Variants in PPM1L observed in about 807,000 individuals in gnomAD.
The protein encoded by PPM1L is protein phosphatase 1L.
In PPM1L, 13 loss-of-function variants were observed where a neutral mutation model predicts 31.4. The ratio of observed to expected loss-of-function variants is 0.41; its 90% confidence interval spans 0.27 to 0.66. The LOEUF is 0.66. Ranked by LOEUF, PPM1L falls within the 30% of genes least tolerant of loss-of-function variation. PPM1L has a pLI of 0.29. For synonymous variants in PPM1L, 184 were observed against 175.4 expected (o/e 1.05, Z -0.39); for missense variants, 326 against 453.7 (o/e 0.72, Z 2.56).
At chr3:160,829,707 T>C (rs1189887797) in intron 1 of PPM1L, among the ~76,000 whole-genome samples, 1 of 152,190 alleles carries the variant, frequency 6.6e-6, no homozygotes, top group Non-Finnish European at 1.5e-5. Flanking sequence ...GCCTGTCAGC[T>C]CTTCTTGTCA....
In PPM1L at chr3:161,035,717, G is replaced by C. The variant is rs926107691; in HGVS notation, c.575-29686G>C. On this transcript the variant is annotated intron_variant, in intron 2 of 3. Coordinates refer to ENST00000498165, the MANE Select transcript of PPM1L (RefSeq NM_139245.4). ...AATTCTTGCCAGGAACTTAACCAAAGTTAAAATAATTTTACAGGTTGCTCT... is the reference window on the plus strand; with the variant it reads ...AATTCTTGCCAGGAACTTAACCAAACTTAAAATAATTTTACAGGTTGCTCT... 3.3e-5 allele frequency: 5 copies of C among 152,226 alleles called. No individual in the cohort carries two copies. In the East Asian group the frequency reaches 7.7e-4, roughly 23 times the overall value. 9.4% of individuals were successfully genotyped at this position (152,226 alleles called of 1,614,324 possible). A position where few individuals can be genotyped will look rare whatever the true frequency, so the allele number is the denominator to read the frequency against.
chr3:161,014,325 A>G (rs1718002635), intron 2 of PPM1L, among the ~76,000 whole-genome samples: 1 of 152,186 alleles, frequency 6.6e-6, no homozygotes, highest in South Asian at 2.1e-4. Context: ...ATATTCAAAT[A>G]CAATATATCA....
intron 2 of PPM1L, among the ~76,000 whole-genome samples, chr3:161,005,315 C>T (rs373041490): frequency 3.4e-4 from 51 of 152,076 alleles, no homozygotes; most frequent in Admixed American, 3.3e-4. Context: ...GTTTTCAGCA[C>T]AGTACTAGTT....
intron 1 of PPM1L, among the ~76,000 whole-genome samples, chr3:160,885,740 C>T (rs1330979789): frequency 6.6e-6 from 1 of 152,244 alleles, no homozygotes; most frequent in African/African-American, 2.4e-5. Context: ...TCCCACTCAC[C>T]TACCCACGCC....
At chr3:161,056,896 T>C (rs1719428501) in intron 2 of PPM1L, among the ~76,000 whole-genome samples, 1 of 152,012 alleles carries the variant, frequency 6.6e-6, no homozygotes, top group African/African-American at 2.4e-5. Context: ...ACCCCGTCTC[T>C]ACTAAAAATA....
At chr3:160,798,510 GA>G (rs1412084906) in intron 1 of PPM1L, among the ~76,000 whole-genome samples, 1 of 152,104 alleles carries the variant, frequency 6.6e-6, no homozygotes, top group Non-Finnish European at 1.5e-5. Flanking sequence ...TTATGCTCTC[GA>G]AATGGAACAA....
At position 160,983,352 on chromosome 3, in the gene PPM1L, A is replaced by T. The variant is rs549613344; in HGVS notation, c.574+21442A>T. On this transcript the variant is annotated intron_variant, in intron 2 of 3. Coordinates refer to ENST00000498165, the MANE Select transcript of PPM1L (RefSeq NM_139245.4). ...CTTTGTAAACCTTCCCCTGCAGGAT[A>T]ATCAGCATTCCACAGCCACTAAAGA... 9.2e-5 allele frequency among the ~76,000 whole-genome samples: 14 copies of T among 152,238 alleles called. 1 individual carries two copies. In the South Asian group the frequency reaches 2.9e-3, roughly 32 times the overall value.
At chr3:160,880,153 TAGG>T (rs199870730) in intron 1 of PPM1L, among the ~76,000 whole-genome samples, 1,684 of 152,250 alleles carry the variant, frequency 0.011, 12 homozygotes, top group Middle Eastern at 0.017. Context: ...TTGGCAGCAG[TAGG>T]AGGAGAGGAA....
At chr3:160,969,106 C>T (rs531994540) in intron 2 of PPM1L, among the ~76,000 whole-genome samples, 81 of 152,302 alleles carry the variant, frequency 5.3e-4, no homozygotes, top group African/African-American at 1.8e-3. Flanking sequence ...AAGTGTCAGG[C>T]AGTCACATAC....
intron 1 of PPM1L, among the ~76,000 whole-genome samples, chr3:160,820,636 A>G (rs960892959): frequency 6.6e-6 from 1 of 152,040 alleles, no homozygotes; most frequent in African/African-American, 2.4e-5. Flanking sequence ...CATGTAAATG[A>G]TATTATACTG....
chr3:160,916,219 A>G (rs1433218675), intron 1 of PPM1L, among the ~76,000 whole-genome samples: 1 of 152,170 alleles, frequency 6.6e-6, no homozygotes, highest in Non-Finnish European at 1.5e-5. Context: ...ACAAGAAAAA[A>G]ACAAACAACC....
chr3:161,058,870 C>A (rs923904324), intron 2 of PPM1L, among the ~76,000 whole-genome samples: 2 of 152,110 alleles, frequency 1.3e-5, no homozygotes, highest in African/African-American at 4.8e-5. Flanking sequence ...AGTTACATAA[C>A]CCTCATTAGG....
chr3:161,076,757 G>T lies in PPM1L; in HGVS notation c.*7600G>T, dbSNP rs1336672166. Reference sequence around the variant, plus strand: ...GTGGGTTCAGATAAATGATTATTCTGACAAACCTGGAAAATAGTAATTAAA... The same window carrying T: ...GTGGGTTCAGATAAATGATTATTCTTACAAACCTGGAAAATAGTAATTAAA... On this transcript the variant is annotated 3_prime_UTR_variant, in exon 4 of 4. Transcript: ENST00000498165. 6.6e-6 allele frequency: 1 copy of T among 151,694 alleles called. No individual in the cohort carries two copies. Among genetic ancestry groups the T allele is most frequent in the Non-Finnish European group, 1.5e-5 (1 of 67,986 alleles). 9.4% of individuals were successfully genotyped at this position (151,694 alleles called of 1,614,324 possible).
chr3:160,856,656 G>C (rs1031155811), intron 1 of PPM1L, among the ~76,000 whole-genome samples: 3 of 152,098 alleles, frequency 2.0e-5, no homozygotes, highest in African/African-American at 7.2e-5. Context: ...CATACTTGGG[G>C]GTGGAGAGTG....
intron 1 of PPM1L, among the ~76,000 whole-genome samples, chr3:160,823,115 T>A (rs1431945953): frequency 6.6e-6 from 1 of 152,022 alleles, no homozygotes; most frequent in Admixed American, 6.6e-5. Context: ...TATGCATAAT[T>A]TGTACAGGCA....
intron 1 of PPM1L, among the ~76,000 whole-genome samples, chr3:160,808,383 C>CTCTGTG (rs1204425630): frequency 0.01 from 1,122 of 110,352 alleles, 100 homozygotes; most frequent in African/African-American, 0.038. Context: ...CAGGATTTTC[C>CTCTGTG]TGTGTGTGTG....
At chr3:160,901,716 GA>G (rs1713551075) in intron 1 of PPM1L, among the ~76,000 whole-genome samples, 1 of 152,134 alleles carries the variant, frequency 6.6e-6, no homozygotes, top group Non-Finnish European at 1.5e-5. Context: ...TGTCTGTGGG[GA>G]TAGGCAAAAT....
chr3:161,039,970 G>A (rs1718862598), intron 2 of PPM1L, among the ~76,000 whole-genome samples: 1 of 151,912 alleles, frequency 6.6e-6, no homozygotes, highest in Admixed American at 6.6e-5. Flanking sequence ...ATTTCTGCAA[G>A]CTTTTGGACT....
rs1450757863 is a variant in PPM1L, at chr3:161,019,000, C to T, written c.575-46403C>T. Among the ~76,000 whole-genome samples the T allele has an allele frequency of 1.3e-5, 2 of 152,162 alleles. 1 individual carries two copies. Among genetic ancestry groups the T allele is most frequent in the Middle Eastern group, 6.3e-3 (2 of 316 alleles). On this transcript the variant is annotated intron_variant, in intron 2 of 3. Coordinates refer to ENST00000498165, the MANE Select transcript of PPM1L (RefSeq NM_139245.4). ...TTTCCCCAACTTATTGAGGCATGAA[C>T]CCTTTTACTGAATAACTTCTATCTA...
Sources: allele counts gnomAD v4.1 joint callset (sites outside exome capture counted in the v4.1 genomes callset), GRCh38; gene constraint gnomAD v4.1.1; transcripts MANE v1.5; gene names NCBI Gene and HGNC (gene_info 2026-07-23, HGNC 2026-07-21).